Variants in EYS observed in about 807,000 individuals in gnomAD.
The protein encoded by EYS is protein eyes shut homolog.
Under a neutral mutation model 282.1 loss-of-function variants are expected in EYS, and 250 were observed. The ratio of observed to expected loss-of-function variants is 0.89; its 90% CI spans 0.80 to 0.98. The LOEUF is 0.98. Among genes scored for constraint, EYS ranks in the 50% least tolerant of loss-of-function variants. EYS has a pLI of 0.00. For missense variants in EYS, 4,016 were observed against 3,709.0 expected (o/e 1.08, Z -2.15); for synonymous variants, 1,355 against 1,282.9 (o/e 1.06, Z -1.20).
intron 8 of EYS, among the ~76,000 whole-genome samples, chr6:65,368,117 TA>T (rs946300106): frequency 2.6e-5 from 4 of 151,042 alleles, no homozygotes; most frequent in Admixed American, 6.8e-5. Context: ...AAAAGCTCCT[TA>T]AAAAAAACCA....
chr6:65,300,977 C>T (rs930813927), intron 11 of EYS: 8 of 152,238 alleles, frequency 5.3e-5, no homozygotes, highest in Admixed American at 4.6e-4. Flanking sequence ...AGGAGTTTAA[C>T]TGTGTGCTCA....
intron 10 of EYS, among the ~76,000 whole-genome samples, chr6:65,336,515 T>G (rs1205103419): frequency 6.6e-6 from 1 of 151,632 alleles, no homozygotes; most frequent in African/African-American, 2.4e-5. Context: ...TTCCATTTTA[T>G]TTTAACCAAA....
chr6:64,463,436 A>G (rs1258310621), intron 26 of EYS, among the ~76,000 whole-genome samples: 1 of 152,256 alleles, frequency 6.6e-6, no homozygotes, highest in African/African-American at 2.4e-5. Flanking sequence ...TCATCTAAAT[A>G]TACAAATATT....
intron 2 of EYS, among the ~76,000 whole-genome samples, chr6:65,579,451 G>T (rs1326014025): frequency 6.6e-6 from 1 of 152,072 alleles, no homozygotes; most frequent in Non-Finnish European, 1.5e-5. Context: ...AGCCAGCTCG[G>T]CTGCCAAAAG....
intron 26 of EYS, among the ~76,000 whole-genome samples, chr6:64,533,460 G>T (rs1764418040): frequency 6.6e-6 from 1 of 151,956 alleles, no homozygotes; most frequent in Non-Finnish European, 1.5e-5. Flanking sequence ...AAAGCAGCAG[G>T]GTTGATATAT....
At chr6:64,316,683 G>A (rs1286161301) in intron 29 of EYS, among the ~76,000 whole-genome samples, 2 of 152,044 alleles carry the variant, frequency 1.3e-5, no homozygotes, top group East Asian at 1.9e-4. Context: ...AGCTACCATT[G>A]ATTTTCTTCA....
intron 22 of EYS, among the ~76,000 whole-genome samples, chr6:64,632,795 T>C (rs1159351065): frequency 6.6e-6 from 1 of 152,164 alleles, no homozygotes; most frequent in Admixed American, 6.5e-5. Flanking sequence ...CAGAATGGTC[T>C]TGATTATGAG....
chr6:64,112,947 TG>T (rs938169985), intron 31 of EYS, among the ~76,000 whole-genome samples: 1 of 151,814 alleles, frequency 6.6e-6, no homozygotes, highest in African/African-American at 2.4e-5. Context: ...GACACTGCAC[TG>T]GCATCGTGAA....
intron 22 of EYS, among the ~76,000 whole-genome samples, chr6:64,800,726 C>T (rs915084536): frequency 2.6e-5 from 4 of 151,750 alleles, no homozygotes; most frequent in African/African-American, 9.7e-5. Flanking sequence ...CTGACATTAG[C>T]TTTTTTACGT....
At chr6:64,021,908 G>T (rs1769210996) in intron 33 of EYS, among the ~76,000 whole-genome samples, 1 of 152,172 alleles carries the variant, frequency 6.6e-6, no homozygotes, top group Admixed American at 6.5e-5. Flanking sequence ...TCATTTTGGA[G>T]ATTGTTTTCT....
intron 22 of EYS, among the ~76,000 whole-genome samples, chr6:64,652,135 A>G (rs908863505): frequency 1.3e-5 from 2 of 152,218 alleles, no homozygotes; most frequent in Admixed American, 6.5e-5. Flanking sequence ...TAATGAGATG[A>G]TTTTTAGTAG....
chr6:65,266,027 A>T (rs576630664), intron 12 of EYS, among the ~76,000 whole-genome samples: 3 of 151,692 alleles, frequency 2.0e-5, no homozygotes, highest in Non-Finnish European at 2.9e-5. Flanking sequence ...TTAAGAAAAA[A>T]ATATGTTTGC....
chr6:64,281,317 G>A (rs1174727737), intron 30 of EYS, among the ~76,000 whole-genome samples: 4 of 152,056 alleles, frequency 2.6e-5, no homozygotes, highest in Non-Finnish European at 4.4e-5. Flanking sequence ...TTATTAAACT[G>A]TGAGAAATGA....
intron 12 of EYS, among the ~76,000 whole-genome samples, chr6:65,095,066 C>T (rs1163948517): frequency 6.6e-6 from 1 of 150,848 alleles, no homozygotes; most frequent in Non-Finnish European, 1.5e-5. Flanking sequence ...CAATTCCTCA[C>T]CAAAAGATTG....
chr6:64,527,514 C>T (rs569658143), intron 26 of EYS, among the ~76,000 whole-genome samples: 17 of 151,904 alleles, frequency 1.1e-4, no homozygotes, highest in African/African-American at 3.6e-4. Context: ...ATTGTTCACA[C>T]GACTATCCTT....
At chr6:64,805,082 T>C (rs1764385074) in intron 22 of EYS, among the ~76,000 whole-genome samples, 1 of 152,042 alleles carries the variant, frequency 6.6e-6, no homozygotes, top group Non-Finnish European at 1.5e-5. Flanking sequence ...TTTAATCTTA[T>C]TTTGAAATCA....
chr6:65,251,955 G>C (rs780713108), intron 12 of EYS, among the ~76,000 whole-genome samples: 1 of 151,914 alleles, frequency 6.6e-6, no homozygotes, highest in Admixed American at 6.6e-5. Flanking sequence ...GGTGATAGCC[G>C]ATGGTGACAA....
At chr6:65,681,246 G>C (rs1340049867) in intron 1 of EYS, among the ~76,000 whole-genome samples, 1 of 151,924 alleles carries the variant, frequency 6.6e-6, no homozygotes, top group Non-Finnish European at 1.5e-5. Context: ...CTCATCCCTA[G>C]AGCCTTGGTC....
intron 29 of EYS, among the ~76,000 whole-genome samples, chr6:64,383,881 T>C (rs544448225): frequency 1.3e-5 from 2 of 152,304 alleles, no homozygotes; most frequent in Admixed American, 1.3e-4. Flanking sequence ...CTGAAAAAGG[T>C]TGACACGCAT....
Sources: allele counts gnomAD v4.1 joint callset (sites outside exome capture counted in the v4.1 genomes callset), GRCh38; gene constraint gnomAD v4.1.1; transcripts MANE v1.5; gene names NCBI Gene and HGNC (gene_info 2026-07-23, HGNC 2026-07-21).